The following CAMK4 variants were observed in gnomAD, a reference collection of about 807,000 sequenced individuals.
The protein encoded by CAMK4 is calcium/calmodulin-dependent protein kinase type IV.
CAMK4 carries 22 observed loss-of-function variants against 44.9 expected under a neutral mutation model. The observed-to-expected ratio is 0.49, with a 90% confidence interval of 0.35 to 0.70. The LOEUF is 0.70. Ranked by LOEUF, CAMK4 falls within the 30% of genes least tolerant of loss-of-function variation. The pLI, the probability that CAMK4 is intolerant of heterozygous loss-of-function variation, is 0.01. For synonymous variants in CAMK4, 218 were observed against 215.4 expected (o/e 1.01, Z -0.11); for missense variants, 498 against 586.8 (o/e 0.85, Z 1.56).
chr5:111,358,323 C>T (rs981934701), intron 2 of CAMK4, among the ~76,000 whole-genome samples: 2 of 152,006 alleles, frequency 1.3e-5, no homozygotes, highest in Admixed American at 6.6e-5. Flanking sequence ...ATTCTTAACT[C>T]TTTGTCTTAG....
intron 1 of CAMK4, among the ~76,000 whole-genome samples, chr5:111,308,558 G>A (rs1235115629): frequency 6.6e-6 from 1 of 152,156 alleles, no homozygotes. Context: ...AATTTTGGGA[G>A]CAATCCTTTT....
At chr5:111,235,100 A>G (rs78009289) in intron 1 of CAMK4, among the ~76,000 whole-genome samples, 2 of 151,836 alleles carry the variant, frequency 1.3e-5, no homozygotes, top group Non-Finnish European at 2.9e-5. Context: ...AGAATGTTGC[A>G]CTGTTAGTTT....
intron 7 of CAMK4, among the ~76,000 whole-genome samples, chr5:111,466,248 G>A (rs10042953): frequency 8.5e-5 from 13 of 152,184 alleles, no homozygotes; most frequent in Admixed American, 2.0e-4. Context: ...ACATAATACC[G>A]AATGGGGAAA....
In CAMK4 at chr5:111,224,717, G is replaced by C. The variant is rs1748092504; in HGVS notation, c.161+73G>C. ...TTGTCCCTCTCGCAGCGACGGCTCG[G>C]AGGGTGCGGGAGCCTGCCTTCGTGC... On this transcript the variant is annotated intron_variant, in intron 1 of 10. Transcript: ENST00000282356. This position sits in a 1 kb window ranked among gnomAD's most constrained non-coding sequence, Gnocchi z 5.7. 7.0e-7 allele frequency: 1 copy of C among 1,424,962 alleles called. No individual in the cohort carries two copies. Among genetic ancestry groups the C allele is most frequent in the Non-Finnish European group, 9.6e-7 (1 of 1,046,888 alleles). The allele number at this position is 1,424,962 out of a possible 1,614,324, so 88.3% of individuals were successfully genotyped here.
chr5:111,235,089 C>T (rs1748653665), intron 1 of CAMK4, among the ~76,000 whole-genome samples: 1 of 152,046 alleles, frequency 6.6e-6, no homozygotes, highest in Non-Finnish European at 1.5e-5. Flanking sequence ...TTTCATTGCT[C>T]AGAATGTTGC....
At chr5:111,366,745 C>A (rs1410058285) in intron 2 of CAMK4, among the ~76,000 whole-genome samples, 4 of 152,048 alleles carry the variant, frequency 2.6e-5, no homozygotes, top group Admixed American at 2.6e-4. Context: ...TCTTTCTCCC[C>A]TACCATGGGG....
chr5:111,309,750 C>T (rs1205974565), intron 1 of CAMK4, among the ~76,000 whole-genome samples: 1 of 152,108 alleles, frequency 6.6e-6, no homozygotes, highest in Non-Finnish European at 1.5e-5. Flanking sequence ...TGTCTGTTCT[C>T]TAAAACTTTG....
At chr5:111,236,232 A>G (rs542733105) in intron 1 of CAMK4, among the ~76,000 whole-genome samples, 16 of 152,350 alleles carry the variant, frequency 1.1e-4, no homozygotes, top group African/African-American at 3.8e-4. Context: ...TATTGATAGG[A>G]TAAATACCTT....
At chr5:111,301,218 T>C (rs955669995) in intron 1 of CAMK4, among the ~76,000 whole-genome samples, 3 of 152,190 alleles carry the variant, frequency 2.0e-5, no homozygotes, top group African/African-American at 7.2e-5. Context: ...CCTAGCATAA[T>C]TGAAAAGATT....
At chr5:111,286,600 C>A (rs376295471) in intron 1 of CAMK4, among the ~76,000 whole-genome samples, 192 of 152,248 alleles carry the variant, frequency 1.3e-3, no homozygotes, top group African/African-American at 4.4e-3. Flanking sequence ...AAATCCAGTT[C>A]TTCTGGTCCC....
chr5:111,293,893 C>T (rs1336293635), intron 1 of CAMK4, among the ~76,000 whole-genome samples: 1 of 151,798 alleles, frequency 6.6e-6, no homozygotes, highest in Non-Finnish European at 1.5e-5. Context: ...ACTACAGGTG[C>T]CCGCCACCAT....
intron 9 of CAMK4, among the ~76,000 whole-genome samples, chr5:111,480,696 T>C (rs1325194826): frequency 1.3e-5 from 2 of 152,148 alleles, no homozygotes; most frequent in Non-Finnish European, 2.9e-5. Flanking sequence ...TTTAGTTTTC[T>C]CATCTAGGAT....
At position 111,388,811 on chromosome 5, in the gene CAMK4, C is replaced by G. The variant is rs191213905; in HGVS notation, c.387-5899C>G. On this transcript the variant is annotated intron_variant, in intron 4 of 10. Coordinates refer to ENST00000282356, the MANE Select transcript of CAMK4 (RefSeq NM_001744.6). ...AGATACATCTGTTGGAATGCATCCT[C>G]TGGTTAAGAGAATGAATTATTTCAC... Among the ~76,000 whole-genome samples, 244 of 152,270 alleles carry G rather than the reference C, an allele frequency of 1.6e-3. 1 individual carries two copies. The highest frequency in any genetic ancestry group is 5.7e-3 in the African/African-American group (235 of 41,552).
At chr5:111,403,366 T>C (rs1019262669) in intron 5 of CAMK4, among the ~76,000 whole-genome samples, 7 of 152,212 alleles carry the variant, frequency 4.6e-5, no homozygotes, top group African/African-American at 1.7e-4. Flanking sequence ...AGTTTTTTTG[T>C]TGTTTGTTTG....
At chr5:111,365,599 A>C (rs1750762279) in intron 2 of CAMK4, among the ~76,000 whole-genome samples, 1 of 152,056 alleles carries the variant, frequency 6.6e-6, no homozygotes, top group East Asian at 1.9e-4. Flanking sequence ...AGACATTTCA[A>C]AGGAGCTGGG....
chr5:111,256,680 A>G (rs889153806), intron 1 of CAMK4, among the ~76,000 whole-genome samples: 4 of 152,204 alleles, frequency 2.6e-5, no homozygotes, highest in African/African-American at 7.2e-5. Flanking sequence ...GAAAAGACAT[A>G]TAGTATTCAC....
rs935713737 is a variant in CAMK4 at position 111,357,314 on chromosome 5, A to G, written c.240+13212A>G. Among the ~76,000 whole-genome samples the G allele has an allele frequency of 2.0e-5, 3 of 152,060 alleles. No individual in the cohort carries two copies. The East Asian group carries it at 5.8e-4, about 30-fold the overall frequency. On this transcript the variant is annotated intron_variant, in intron 2 of 10. Transcript: ENST00000282356. ...GCACTAGGAAAGTTGAGAGAAGCTC[A>G]GGGTCAGGAGATCAAAGCTGGAGAG...
intron 5 of CAMK4, among the ~76,000 whole-genome samples, chr5:111,444,213 T>A (rs929239420): frequency 2.6e-5 from 4 of 152,204 alleles, no homozygotes; most frequent in South Asian, 2.1e-4. Flanking sequence ...CCAACTCTAG[T>A]GTGTAGTTGT....
Position 111,463,461 on chromosome 5 carries a change from A to G in CAMK4, c.626-9850A>G, listed in dbSNP as rs1754711542. 2.0e-5 allele frequency among the ~76,000 whole-genome samples: 3 copies of G among 152,194 alleles called. No individual in the cohort carries two copies. In the South Asian group the frequency reaches 6.2e-4, roughly 31 times the overall value. Reference sequence around the variant, plus strand: ...CTCTTGGGAGCTCTAGGCTCTACCTACCACCTGATCCTCCCTGTACTACCA... The same window carrying G: ...CTCTTGGGAGCTCTAGGCTCTACCTGCCACCTGATCCTCCCTGTACTACCA... On this transcript the variant is annotated intron_variant, in intron 7 of 10. Coordinates refer to ENST00000282356, the MANE Select transcript of CAMK4 (RefSeq NM_001744.6).
Sources: gnomAD v4.1 joint callset for allele counts (sites outside exome capture counted in the v4.1 genomes callset) on GRCh38, gnomAD v4.1.1 for gene constraint, Gnocchi (gnomAD v3.1) non-coding constraint, MANE v1.5 for transcripts, NCBI Gene and HGNC (gene_info 2026-07-23, HGNC 2026-07-21) for gene names.